SLC1A3: variants seen among roughly 807,000 people sequenced by gnomAD.
SLC1A3 encodes the protein excitatory amino acid transporter 1.
Under a neutral mutation model 48.1 loss-of-function variants are expected in SLC1A3, and 21 were observed. The ratio of observed to expected loss-of-function variants is 0.44; its 90% CI spans 0.31 to 0.63. SLC1A3 has a LOEUF of 0.63. Ranked by LOEUF, SLC1A3 falls within the 20% of genes least tolerant of loss-of-function variation. The pLI is 0.08. For missense variants in SLC1A3, 546 were observed against 689.0 expected, an observed-to-expected ratio of 0.79 and a Z score of 2.32; for synonymous variants, 239 against 251.4, an observed-to-expected ratio of 0.95 and a Z score of 0.47.
chr5:36,659,395 G>T (rs765821856), intron 3 of SLC1A3, among the ~76,000 whole-genome samples: 21 of 152,154 alleles, frequency 1.4e-4, no homozygotes, highest in Non-Finnish European at 2.8e-4. Context: ...GGTGTTCCAA[G>T]GAGCCCTTCA....
chr5:36,670,197 A>C (rs1339916790), intron 3 of SLC1A3, among the ~76,000 whole-genome samples: 1 of 152,216 alleles, frequency 6.6e-6, no homozygotes, highest in Non-Finnish European at 1.5e-5. Context: ...CTTAAAAGTC[A>C]TGCCTCCTTT....
chr5:36,609,148 C>T, intron 2 of SLC1A3: 1 of 985,766 alleles, frequency 1.0e-6, no homozygotes, highest in Non-Finnish European at 1.2e-6. Context: ...AAAATGTTAA[C>T]ACAGATCTCT....
intron 3 of SLC1A3, chr5:36,667,732 A>G (rs1741813759): frequency 1.3e-5 from 2 of 152,234 alleles, no homozygotes; most frequent in Admixed American, 1.3e-4. Flanking sequence ...AAACACACAC[A>G]CAAATGTGTC....
At chr5:36,670,967 T>C in intron 3 of SLC1A3, 62 bp from the exon 4 acceptor site, 3 of 1,419,312 alleles carry the variant, frequency 2.1e-6, no homozygotes, top group East Asian at 4.6e-5. Flanking sequence ...CTGTTCCCAT[T>C]GTTTTCCACT....
intron 2 of SLC1A3, among the ~76,000 whole-genome samples, chr5:36,615,149 G>T (rs182439521): frequency 6.6e-6 from 1 of 152,164 alleles, no homozygotes; most frequent in Non-Finnish European, 1.5e-5. Context: ...TGTCTGGGAC[G>T]CAGCTAAGAA....
intron 2 of SLC1A3, among the ~76,000 whole-genome samples, chr5:36,619,129 A>G (rs551126940): frequency 1.3e-5 from 2 of 152,306 alleles, no homozygotes; most frequent in Admixed American, 1.3e-4. Flanking sequence ...CACCTTCAAC[A>G]GGAAATACCA....
chr5:36,649,027 T>C (rs778093393), intron 3 of SLC1A3, among the ~76,000 whole-genome samples: 2 of 152,182 alleles, frequency 1.3e-5, no homozygotes, highest in Non-Finnish European at 2.9e-5. Flanking sequence ...AATGAATGTA[T>C]CTGATTGACT....
intron 3 of SLC1A3, among the ~76,000 whole-genome samples, chr5:36,645,219 G>T (rs1740786891): frequency 6.6e-6 from 1 of 151,408 alleles, no homozygotes; most frequent in Admixed American, 6.6e-5. Context: ...GTATCTGCAA[G>T]GAGAGCCCCT....
At chr5:36,636,507 T>TTTCTTTCTTTCTTTC (rs1198512163) in intron 3 of SLC1A3, 1 of 106,166 alleles carries the variant, frequency 9.4e-6, no homozygotes, top group African/African-American at 4.3e-5. Context: ...TTCTTTCTTT[T>TTTCTTTCTTTCTTTC]TCTTTCTTTC....
At chr5:36,612,007 C>T (rs1739218763) in intron 2 of SLC1A3, among the ~76,000 whole-genome samples, 1 of 152,108 alleles carries the variant, frequency 6.6e-6, no homozygotes, top group Non-Finnish European at 1.5e-5. Flanking sequence ...GTAGTTTTAC[C>T]TGAAGGCATT....
chr5:36,665,532 G>A (rs1031130993), intron 3 of SLC1A3, among the ~76,000 whole-genome samples: 3 of 152,240 alleles, frequency 2.0e-5, no homozygotes, highest in Non-Finnish European at 2.9e-5. Context: ...GCTTAGAGGT[G>A]AAATAATGCT....
At chr5:36,609,144 T>A in intron 2 of SLC1A3, 1 of 986,018 alleles carries the variant, frequency 1.0e-6, no homozygotes, top group South Asian at 4.7e-5. Flanking sequence ...GGGGAAAATG[T>A]TAACACAGAT....
intron 3 of SLC1A3, among the ~76,000 whole-genome samples, chr5:36,670,558 T>C (rs1423680): frequency 0.45 from 68,882 of 152,052 alleles, 15,673 homozygotes; most frequent in East Asian, 0.6. Context: ...AAGAATTTAA[T>C]GGCAGTTAAT....
intron 5 of SLC1A3, among the ~76,000 whole-genome samples, chr5:36,676,139 C>A (rs1742198040): frequency 6.6e-6 from 1 of 152,188 alleles, no homozygotes; most frequent in Non-Finnish European, 1.5e-5. Flanking sequence ...AGAAGATGAG[C>A]TGTCATCACC....
intron 5 of SLC1A3, among the ~76,000 whole-genome samples, chr5:36,676,285 T>C (rs1274556455): frequency 1.3e-5 from 2 of 152,232 alleles, no homozygotes; most frequent in African/African-American, 4.8e-5. Flanking sequence ...GCTTTTTCAT[T>C]GAGCACCATT....
intron 3 of SLC1A3, among the ~76,000 whole-genome samples, chr5:36,632,263 T>C (rs956011200): frequency 6.6e-6 from 1 of 152,204 alleles, no homozygotes; most frequent in Non-Finnish European, 1.5e-5. Context: ...TGCAGATTCT[T>C]TGATACAATT....
intron 1 of SLC1A3, among the ~76,000 whole-genome samples, chr5:36,598,321 A>T (rs1016865139): frequency 6.6e-6 from 1 of 152,248 alleles, no homozygotes; most frequent in Non-Finnish European, 1.5e-5. Flanking sequence ...AACACTTGGC[A>T]TGGTGCCTGA....
intron 2 of SLC1A3, among the ~76,000 whole-genome samples, chr5:36,622,353 T>A (rs1426221748): frequency 6.6e-6 from 1 of 152,356 alleles, no homozygotes; most frequent in East Asian, 1.9e-4. Flanking sequence ...TAGTAATAAC[T>A]CTTAGAAGAC....
At chr5:36,676,116 A>C (rs1164337202) in intron 5 of SLC1A3, among the ~76,000 whole-genome samples, 2 of 152,232 alleles carry the variant, frequency 1.3e-5, no homozygotes, top group Non-Finnish European at 2.9e-5. Flanking sequence ...GAGAAACCCC[A>C]CTATAGACTT....
Sources: gnomAD v4.1 joint callset for allele counts (sites outside exome capture counted in the v4.1 genomes callset) on GRCh38, gnomAD v4.1.1 for gene constraint, MANE v1.5 for transcripts, NCBI Gene and HGNC (gene_info 2026-07-23, HGNC 2026-07-21) for gene names.